The following DNAJC12 variants were observed in gnomAD, a reference collection of about 807,000 sequenced individuals.
DNAJC12 encodes the protein DnaJ heat shock protein family (Hsp40) member C12.
A neutral mutation model predicts 28.5 loss-of-function variants in DNAJC12; 25 were observed. That is an observed-to-expected ratio of 0.88 (90% CI 0.64 to 1.22). The LOEUF is 1.22. Among genes scored for constraint, DNAJC12 ranks in the 50% most tolerant of loss-of-function variants. DNAJC12 has a pLI of 0.00. For synonymous variants in DNAJC12, 77 were observed against 80.6 expected (o/e 0.95, Z 0.24); for missense variants, 222 against 231.7 (o/e 0.96, Z 0.27).
At chr10:67,799,672 T>C (rs1393938960) in intron 4 of DNAJC12, among the ~76,000 whole-genome samples, 3 of 151,820 alleles carry the variant, frequency 2.0e-5, no homozygotes, top group Non-Finnish European at 4.4e-5. Context: ...ATCACAAGGT[T>C]GGGAATTCGA....
At chr10:67,801,027 A>G (rs1230334187) in intron 4 of DNAJC12, among the ~76,000 whole-genome samples, 3 of 152,222 alleles carry the variant, frequency 2.0e-5, no homozygotes, top group East Asian at 1.9e-4. Flanking sequence ...ATCAGAAGAC[A>G]TATTTATTGC....
At chr10:67,797,910 G>C (rs771668423) in intron 4 of DNAJC12, among the ~76,000 whole-genome samples, 10 of 151,560 alleles carry the variant, frequency 6.6e-5, no homozygotes, top group Admixed American at 5.9e-4. Context: ...CGTGGTGGCG[G>C]GCGCCTGTAC....
chr10:67,818,621 G>A (rs1037720388), intron 2 of DNAJC12, among the ~76,000 whole-genome samples: 2 of 152,010 alleles, frequency 1.3e-5, no homozygotes, highest in African/African-American at 4.8e-5. Flanking sequence ...GAATAACCTG[G>A]GGTGGTGGTG....
Position 67,814,137 on chromosome 10 carries a change from T to C in DNAJC12, c.158-2474A>G, listed in dbSNP as rs188517172. Among the ~76,000 whole-genome samples, 4 of 151,688 alleles carry C rather than the reference T, an allele frequency of 2.6e-5. No homozygotes were observed. In the East Asian group the frequency reaches 7.7e-4, roughly 29 times the overall value. ...TACAAAGCTACAGTAGTGAAAACAG[T>C]GTGGTACTAACATAAGGATAGACAT... On this transcript the variant is annotated intron_variant, in intron 2 of 4. Transcript: ENST00000225171.
intron 1 of DNAJC12, among the ~76,000 whole-genome samples, chr10:67,833,210 T>G (rs1041699732): frequency 1.3e-5 from 2 of 152,218 alleles, no homozygotes; most frequent in African/African-American, 4.8e-5. Context: ...AGGGATTGAT[T>G]GACTCTGGCC....
chr10:67,799,695 C>T (rs939233208), intron 4 of DNAJC12, among the ~76,000 whole-genome samples: 4 of 151,920 alleles, frequency 2.6e-5, no homozygotes, highest in Non-Finnish European at 4.4e-5. Context: ...CCAGCCTGAC[C>T]AACATGGTGA....
At chr10:67,809,665 G>C (rs1322429134) in intron 3 of DNAJC12, among the ~76,000 whole-genome samples, 1 of 152,068 alleles carries the variant, frequency 6.6e-6, no homozygotes, top group Non-Finnish European at 1.5e-5. Flanking sequence ...CCCTAAAAAA[G>C]AGCAAAATAA....
intron 1 of DNAJC12, among the ~76,000 whole-genome samples, chr10:67,826,654 A>G (rs1431936050): frequency 7.6e-6 from 1 of 131,098 alleles, no homozygotes; most frequent in Non-Finnish European, 1.6e-5. Flanking sequence ...ATCTAATGAT[A>G]TATATTATAT....
intron 4 of DNAJC12, among the ~76,000 whole-genome samples, chr10:67,802,102 G>A (rs751601488): frequency 7.9e-5 from 12 of 151,720 alleles, no homozygotes; most frequent in Non-Finnish European, 8.8e-5. Context: ...GGACTCAAGC[G>A]ATCCTCCCAT....
intron 2 of DNAJC12, among the ~76,000 whole-genome samples, chr10:67,821,372 T>G (rs1052461487): frequency 1.3e-5 from 2 of 151,894 alleles, no homozygotes; most frequent in Admixed American, 1.3e-4. Context: ...CAAAATTAAC[T>G]GGGCATGGTG....
chr10:67,805,933 T>C, intron 3 of DNAJC12, 146 bp from the exon 4 acceptor site: 1 of 561,644 alleles, frequency 1.8e-6, no homozygotes. Context: ...AAGATACTCA[T>C]AAATTAATCC....
intron 1 of DNAJC12, chr10:67,825,399 T>A (rs1361776196): frequency 6.6e-6 from 1 of 152,276 alleles, no homozygotes; most frequent in Non-Finnish European, 1.5e-5. Context: ...TGTTTTGACC[T>A]GCTCCATTTC....
At chr10:67,807,709 C>G (rs550433250) in intron 3 of DNAJC12, among the ~76,000 whole-genome samples, 1 of 152,146 alleles carries the variant, frequency 6.6e-6, no homozygotes, top group African/African-American at 2.4e-5. Context: ...AGCAAAGTGG[C>G]CTGTACGTGA....
intron 1 of DNAJC12, chr10:67,834,112 T>C: frequency 2.2e-6 from 1 of 451,826 alleles, no homozygotes; most frequent in Non-Finnish European, 4.5e-6. Context: ...GAATTTTAAG[T>C]TCATTTTAGT....
intron 3 of DNAJC12, 58 bp from the exon 4 acceptor site, chr10:67,805,845 AT>A: frequency 7.2e-7 from 1 of 1,379,958 alleles, no homozygotes; most frequent in Non-Finnish European, 9.6e-7. Context: ...GATTTTCTAT[AT>A]TTAAAGTTTG....
intron 1 of DNAJC12, among the ~76,000 whole-genome samples, chr10:67,827,370 G>A (rs1842047231): frequency 1.4e-5 from 2 of 146,714 alleles, no homozygotes; most frequent in Non-Finnish European, 1.5e-5. Flanking sequence ...CTGGGTGGCA[G>A]AGCAGGGCTC....
At chr10:67,832,634 A>G (rs936754991) in intron 1 of DNAJC12, among the ~76,000 whole-genome samples, 2 of 152,238 alleles carry the variant, frequency 1.3e-5, no homozygotes, top group African/African-American at 4.8e-5. Context: ...ATACTAATAA[A>G]TGTAAAATTA....
chr10:67,832,431 A>C (rs1156485865), intron 1 of DNAJC12, among the ~76,000 whole-genome samples: 1 of 152,172 alleles, frequency 6.6e-6, no homozygotes, highest in African/African-American at 2.4e-5. Flanking sequence ...ACATTACTCT[A>C]ATCAAATGAT....
At chr10:67,798,983 T>C (rs1237939670) in intron 4 of DNAJC12, among the ~76,000 whole-genome samples, 1 of 152,098 alleles carries the variant, frequency 6.6e-6, no homozygotes, top group Non-Finnish European at 1.5e-5. Flanking sequence ...CAGGCTGGTC[T>C]CAAATTCCTG....
Sources: gnomAD v4.1 joint callset for allele counts (sites outside exome capture counted in the v4.1 genomes callset) on GRCh38, gnomAD v4.1.1 for gene constraint, MANE v1.5 for transcripts, NCBI Gene and HGNC (gene_info 2026-07-23, HGNC 2026-07-21) for gene names.